The following RAPGEF4 variants were observed in gnomAD, a reference collection of about 807,000 sequenced individuals.
RAPGEF4 encodes RAP guanine-nucleotide-exchange factor (GEF) 4.
RAPGEF4 carries 66 observed loss-of-function variants against 147.9 expected under a neutral mutation model. That is an observed-to-expected ratio of 0.45 (90% CI 0.37 to 0.55). RAPGEF4 has a LOEUF of 0.55. RAPGEF4 is among the 20% of genes least tolerant of loss of function. The pLI is 0.00. For synonymous variants in RAPGEF4, 419 were observed against 442.7 expected, an observed-to-expected ratio of 0.95 and a Z score of 0.67; for missense variants, 1,071 against 1,257.3, an observed-to-expected ratio of 0.85 and a Z score of 2.24.
chr2:172,950,277 G>A (rs1328592970), intron 6 of RAPGEF4, among the ~76,000 whole-genome samples: 1 of 152,174 alleles, frequency 6.6e-6, no homozygotes, highest in Non-Finnish European at 1.5e-5. Context: ...TCCAATGTGT[G>A]CACTTTGGGA....
intron 1 of RAPGEF4, among the ~76,000 whole-genome samples, chr2:172,756,654 C>T (rs1036484157): frequency 6.6e-6 from 1 of 152,186 alleles, no homozygotes; most frequent in Non-Finnish European, 1.5e-5. Context: ...TTGTTTCCCA[C>T]ACCTGGAGGT....
chr2:172,892,582 A>T (rs151095378), intron 4 of RAPGEF4, among the ~76,000 whole-genome samples: 20 of 152,376 alleles, frequency 1.3e-4, no homozygotes, highest in African/African-American at 3.8e-4. Flanking sequence ...TTCACCTCAG[A>T]TAACAGGGGA....
intron 14 of RAPGEF4, among the ~76,000 whole-genome samples, chr2:172,990,036 A>AAAAG: frequency 6.7e-6 from 1 of 150,342 alleles, no homozygotes; most frequent in African/African-American, 2.4e-5. Context: ...AAAAGAAAAG[A>AAAAG]AAAAAAAAGG....
chr2:172,832,984 G>A (rs1009296726), intron 4 of RAPGEF4, among the ~76,000 whole-genome samples: 6 of 152,272 alleles, frequency 3.9e-5, no homozygotes, highest in South Asian at 2.1e-4. Context: ...TGGGCGGATC[G>A]CCTGAGGTCA....
chr2:172,937,087 G>A lies in RAPGEF4; in HGVS notation c.537+14787G>A, dbSNP rs1403530103. On this transcript the variant is annotated intron_variant, in intron 6 of 30. Coordinates refer to ENST00000397081, the MANE Select transcript of RAPGEF4 (RefSeq NM_007023.4). The stretch of plus-strand genomic sequence containing the variant: ...TCTTTTTTAATTAGTCAGGCATGGT[G>A]GTACCTGCTTGCAGTCCTACCTACT... Among the ~76,000 whole-genome samples, 2 of 149,112 alleles carry A rather than the reference G, an allele frequency of 1.3e-5. 1 individual carries two copies. Among genetic ancestry groups the A allele is most frequent in the African/African-American group, 4.9e-5 (2 of 40,642 alleles).
At chr2:172,826,336 A>G (rs1689666020) in intron 4 of RAPGEF4, among the ~76,000 whole-genome samples, 1 of 152,198 alleles carries the variant, frequency 6.6e-6, no homozygotes, top group South Asian at 2.1e-4. Flanking sequence ...TTGTGGAGAA[A>G]GTACTGAAAC....
intron 1 of RAPGEF4, among the ~76,000 whole-genome samples, chr2:172,760,703 G>C (rs1294039328): frequency 6.7e-6 from 1 of 149,372 alleles, no homozygotes; most frequent in African/African-American, 2.5e-5. Context: ...GGGCGACAGA[G>C]CGAGACTCCA....
intron 1 of RAPGEF4, among the ~76,000 whole-genome samples, chr2:172,768,323 A>G (rs755381147): frequency 4.6e-5 from 7 of 152,188 alleles, no homozygotes; most frequent in African/African-American, 1.4e-4. Flanking sequence ...GGAAAAATAT[A>G]TCTACCAAAA....
At chr2:172,801,856 G>C (rs1486698543) in intron 3 of RAPGEF4, among the ~76,000 whole-genome samples, 3 of 152,086 alleles carry the variant, frequency 2.0e-5, no homozygotes, top group Non-Finnish European at 4.4e-5. Flanking sequence ...GTCTGATGCA[G>C]CTCTGAGCCC....
intron 4 of RAPGEF4, among the ~76,000 whole-genome samples, chr2:172,910,064 A>G (rs1355738817): frequency 6.6e-6 from 1 of 152,236 alleles, no homozygotes; most frequent in Admixed American, 6.5e-5. Context: ...CAGCCCCATC[A>G]GTCCAGCCCC....
chr2:172,904,720 G>A (rs1037402981), intron 4 of RAPGEF4, among the ~76,000 whole-genome samples: 7 of 151,680 alleles, frequency 4.6e-5, no homozygotes, highest in Admixed American at 1.3e-4. Flanking sequence ...TTCTCTACCC[G>A]ATACACCACT....
chr2:173,030,318 T>G, intron 26 of RAPGEF4, 64 bp downstream of exon 26: 1 of 1,296,714 alleles, frequency 7.7e-7, no homozygotes. Flanking sequence ...GGCTCACCAG[T>G]GAGCTTTTTA....
At chr2:172,750,666 G>C (rs1053589315) in intron 1 of RAPGEF4, among the ~76,000 whole-genome samples, 1 of 152,050 alleles carries the variant, frequency 6.6e-6, no homozygotes, top group Non-Finnish European at 1.5e-5. Flanking sequence ...ATGTCTTTCT[G>C]GTAATAGCCA....
chr2:172,778,944 G>A (rs1195380965), intron 1 of RAPGEF4, among the ~76,000 whole-genome samples: 2 of 152,082 alleles, frequency 1.3e-5, no homozygotes, highest in Admixed American at 1.3e-4. Context: ...ATTCTGAGGA[G>A]TTATTATTAC....
intron 4 of RAPGEF4, among the ~76,000 whole-genome samples, chr2:172,878,685 A>G (rs181319439): frequency 1.3e-5 from 2 of 152,330 alleles, no homozygotes; most frequent in Admixed American, 6.5e-5. Context: ...ATTCCCTGCT[A>G]AAGTAAAGAA....
chr2:172,948,106 A>G (rs561785601), intron 6 of RAPGEF4, among the ~76,000 whole-genome samples: 1 of 152,284 alleles, frequency 6.6e-6, no homozygotes, highest in South Asian at 2.1e-4. Context: ...TGTTGCATGC[A>G]GGTGTGAATT....
At chr2:172,806,625 C>A (rs1037987812) in intron 3 of RAPGEF4, among the ~76,000 whole-genome samples, 6 of 152,160 alleles carry the variant, frequency 3.9e-5, no homozygotes, top group Admixed American at 6.5e-5. Context: ...GAATAGAAAA[C>A]GCAGGAAATG....
At chr2:172,755,024 CAG>C (rs1175081157) in intron 1 of RAPGEF4, among the ~76,000 whole-genome samples, 1 of 152,004 alleles carries the variant, frequency 6.6e-6, no homozygotes, top group South Asian at 2.1e-4. Context: ...GCCTGGGTGA[CAG>C]AGTGAGACTC....
chr2:172,931,173 G>GGGGC (rs1553533379), intron 6 of RAPGEF4, among the ~76,000 whole-genome samples: 24 of 6,778 alleles, frequency 3.5e-3, no homozygotes, highest in Non-Finnish European at 7.7e-3. Context: ...AGGCCGGGGT[G>GGGGC]GGGGGGGGGG....
Sources: allele counts gnomAD v4.1 joint callset (sites outside exome capture counted in the v4.1 genomes callset), GRCh38; gene constraint gnomAD v4.1.1; transcripts MANE v1.5; gene names NCBI Gene and HGNC (gene_info 2026-07-23, HGNC 2026-07-21).